The following SMARCAL1 variants were observed in gnomAD, a reference collection of about 807,000 sequenced individuals.
SMARCAL1 encodes the protein ATP-driven annealing helicase.
In SMARCAL1, 58 loss-of-function variants were observed where a neutral mutation model predicts 94.5. The ratio of observed to expected loss-of-function variants is 0.61; its 90% CI spans 0.50 to 0.76. SMARCAL1 has a LOEUF of 0.76. SMARCAL1 is among the 30% of genes least tolerant of loss of function. SMARCAL1 has a pLI of 0.00. For synonymous variants in SMARCAL1, 422 were observed against 455.1 expected (o/e 0.93, Z 0.93); for missense variants, 1,051 against 1,177.9 (o/e 0.89, Z 1.58).
intron 12 of SMARCAL1, among the ~76,000 whole-genome samples, chr2:216,460,930 T>C (rs1694683506): frequency 6.6e-6 from 1 of 152,154 alleles, no homozygotes; most frequent in Admixed American, 6.6e-5. Context: ...CTGGGGGAAT[T>C]TTGAACATAG....
rs1693597107 is a variant in SMARCAL1 at position 216,416,192 on chromosome 2, A to G, written c.812-65A>G. On this transcript the variant is annotated intron_variant, in intron 3 of 17. Transcript: ENST00000357276. ...CGTCCTTCATTCATTCATTTAGAAG[A>G]CAAGCTTGTGTTGAGTGCCTAAGTA... 13 of 1,373,806 alleles carry G rather than the reference A, an allele frequency of 9.5e-6. No homozygotes were observed. In the South Asian group the frequency reaches 1.3e-4, roughly 14 times the overall value. 85.1% of individuals were successfully genotyped at this position (1,373,806 alleles called of 1,614,324 possible). A position where few individuals can be genotyped will look rare whatever the true frequency, so the allele number is the denominator to read the frequency against.
intron 14 of SMARCAL1, among the ~76,000 whole-genome samples, chr2:216,473,904 G>A (rs200654411): frequency 6.6e-6 from 1 of 152,060 alleles, no homozygotes; most frequent in East Asian, 1.9e-4. Context: ...GTTCATAGCA[G>A]CTTTATTTGT....
rs186466290 is a variant in SMARCAL1, at chr2:216,421,926, C to T, written c.1096+1394C>T. ...TGATGCTGGTTGCTACGTCATCATC[C>T]TTAGATGGATGCAGTTTGGACTGAT... On this transcript the variant is annotated intron_variant, in intron 5 of 17. Transcript: ENST00000357276. Among the ~76,000 whole-genome samples, 1,040 of 152,232 alleles carry T rather than the reference C, an allele frequency of 6.8e-3. 10 individuals are homozygous for T. The highest frequency in any genetic ancestry group is 0.024 in the African/African-American group (988 of 41,510).
rs772028268 is a variant in SMARCAL1 at position 216,432,869 on chromosome 2, G to A, written c.1485+1G>A. 3 of 1,614,192 alleles carry A rather than the reference G, an allele frequency of 1.9e-6. No homozygotes were observed. The highest frequency in any genetic ancestry group is 2.5e-6 in the Non-Finnish European group (3 of 1,180,046). ...CTCCGTGCGCTTCACCTGGGAGCAG[G>A]TTAATGGTCTTCAAATTGCAGTTTT... On this transcript the variant is annotated splice_donor_variant, in intron 8 of 17. Transcript: ENST00000357276. LOFTEE classifies it high-confidence loss of function.
chr2:216,474,277 T>C (rs1312200560), intron 14 of SMARCAL1, among the ~76,000 whole-genome samples: 2 of 149,816 alleles, frequency 1.3e-5, no homozygotes, highest in Non-Finnish European at 3.0e-5. Flanking sequence ...GTAGCTGGGA[T>C]TACAGGCGCA....
In SMARCAL1 at chr2:216,477,152, C is replaced by A; in HGVS notation, c.2471C>A (p.Thr824Asn). 6.3e-7 allele frequency: 1 copy of A among 1,595,954 alleles called. No homozygotes were observed. Among genetic ancestry groups the A allele is most frequent in the Admixed American group, 1.7e-5 (1 of 57,464 alleles). ...AEDRVHRIGQ[T>N]SSVGIHYLVA... ...GACCGCGTGCACCGCATTGGACAGA[C>A]CAGCTCCGTGGGCATTCACTACCTC... The change falls in exon 16 of 18, where the codon ACC (threonine) becomes AAC (asparagine). Residue 824 changes from threonine to asparagine, a missense_variant. Around this residue, in one of 3 missense-constraint regions of SMARCAL1, gnomAD observed 642 missense variants for 754.7 expected, o/e 0.85. Coordinates refer to ENST00000357276, the MANE Select transcript of SMARCAL1 (RefSeq NM_014140.4).
chr2:216,427,317 G>A (rs1693857319), intron 6 of SMARCAL1: 1 of 152,214 alleles, frequency 6.6e-6, no homozygotes, highest in Non-Finnish European at 1.5e-5. Context: ...GGATTTTGGA[G>A]ACAGTAGTTG....
intron 13 of SMARCAL1, 42 bp downstream of exon 13, chr2:216,464,709 CA>C (rs34170201): frequency 0.076 from 56,853 of 751,354 alleles, no homozygotes; most frequent in Non-Finnish European, 0.084. Flanking sequence ...CTCTCATCTT[CA>C]AAAAAAAAAA....
At chr2:216,446,893 G>C (rs1055087053) in intron 10 of SMARCAL1, 125 bp from the exon 11 acceptor site, 10 of 1,062,940 alleles carry the variant, frequency 9.4e-6, no homozygotes, top group Non-Finnish European at 1.4e-5. Context: ...AATGCCATTA[G>C]GTTCTCGCGA....
At chr2:216,419,563 C>G (rs1044356815) in intron 4 of SMARCAL1, among the ~76,000 whole-genome samples, 23 of 152,146 alleles carry the variant, frequency 1.5e-4, no homozygotes, top group Non-Finnish European at 2.5e-4. Context: ...CCTTTGTTCT[C>G]TGAGCAGTAG....
chr2:216,432,613 T>A, intron 7 of SMARCAL1, 105 bp from the exon 8 acceptor site: 1 of 1,381,832 alleles, frequency 7.2e-7, no homozygotes. Flanking sequence ...GGGCCCGGGC[T>A]GGCCAGTGAA....
intron 4 of SMARCAL1, among the ~76,000 whole-genome samples, chr2:216,419,063 G>A (rs1693660256): frequency 6.6e-6 from 1 of 152,188 alleles, no homozygotes; most frequent in Non-Finnish European, 1.5e-5. Flanking sequence ...TTTTAAAGCT[G>A]TAGAGGAACA....
At chr2:216,459,581 G>A (rs1375738374) in intron 12 of SMARCAL1, among the ~76,000 whole-genome samples, 1 of 152,116 alleles carries the variant, frequency 6.6e-6, no homozygotes, top group African/African-American at 2.4e-5. Context: ...ACAAGAAATG[G>A]GGAAAGGATT....
chr2:216,465,218 C>T (rs1003969761), intron 13 of SMARCAL1, among the ~76,000 whole-genome samples: 3 of 152,136 alleles, frequency 2.0e-5, no homozygotes, highest in Admixed American at 6.5e-5. Flanking sequence ...ATAAGTTGGC[C>T]GGTAACTGGA....
chr2:216,437,990 C>T (rs1327754115), intron 9 of SMARCAL1, among the ~76,000 whole-genome samples: 4 of 152,230 alleles, frequency 2.6e-5, no homozygotes, highest in Non-Finnish European at 4.4e-5. Flanking sequence ...GTCTGGCATC[C>T]TTCCTGCACC....
At chr2:216,438,977 A>G (rs1694138685) in intron 10 of SMARCAL1, among the ~76,000 whole-genome samples, 1 of 152,224 alleles carries the variant, frequency 6.6e-6, no homozygotes, top group African/African-American at 2.4e-5. Flanking sequence ...TAATACAAAC[A>G]GAACTGAGCA....
chr2:216,463,315 G>A (rs1249056822), intron 12 of SMARCAL1, among the ~76,000 whole-genome samples: 1 of 152,152 alleles, frequency 6.6e-6, no homozygotes, highest in African/African-American at 2.4e-5. Context: ...TCTATAAACA[G>A]AAATGTATTG....
intron 8 of SMARCAL1, among the ~76,000 whole-genome samples, chr2:216,434,535 T>C (rs1694034948): frequency 6.6e-6 from 1 of 152,050 alleles, no homozygotes; most frequent in South Asian, 2.1e-4. Flanking sequence ...GAAGTGACTG[T>C]TGACAAAGGC....
chr2:216,473,682 C>CA (rs1330057986), intron 14 of SMARCAL1, among the ~76,000 whole-genome samples: 1 of 151,678 alleles, frequency 6.6e-6, no homozygotes, highest in Non-Finnish European at 1.5e-5. Context: ...CCATACACAT[C>CA]AAAAAAAGAG....
Sources: allele counts gnomAD v4.1 joint callset (sites outside exome capture counted in the v4.1 genomes callset), GRCh38; gene constraint gnomAD v4.1.1; regional missense constraint gnomAD v4.1.1; transcripts MANE v1.5; gene names NCBI Gene and HGNC (gene_info 2026-07-23, HGNC 2026-07-21).